Variants in NALCN observed in about 807,000 individuals in gnomAD.
NALCN encodes sodium leak channel, non-selective, also known as sodium leak channel NALCN.
NALCN carries 111 observed loss-of-function variants against 225.3 expected under a neutral mutation model. The observed-to-expected ratio is 0.49, with a 90% CI of 0.42 to 0.58. The LOEUF (loss-of-function observed/expected upper bound fraction) is 0.58, where lower values mean the gene tolerates loss of function less well. NALCN is among the 20% of genes least tolerant of loss of function. NALCN has a pLI of 0.00. For synonymous variants in NALCN, 764 were observed against 769.0 expected, an observed-to-expected ratio of 0.99 and a Z score of 0.11; for missense variants, 1,378 against 2,202.4, an observed-to-expected ratio of 0.63 and a Z score of 7.49.
intron 1 of NALCN, among the ~76,000 whole-genome samples, chr13:101,406,395 G>C (rs1361569710): frequency 6.6e-6 from 1 of 152,114 alleles, no homozygotes; most frequent in Non-Finnish European, 1.5e-5. Flanking sequence ...TTACAGATGA[G>C]GAAACTTAGG....
chr13:101,156,788 T>C (rs2037923236), intron 15 of NALCN, among the ~76,000 whole-genome samples: 1 of 152,166 alleles, frequency 6.6e-6, no homozygotes, highest in African/African-American at 2.4e-5. Context: ...ACACTTTAAA[T>C]TAGAGGCATG....
intron 37 of NALCN, among the ~76,000 whole-genome samples, chr13:101,072,939 A>T (rs1437445395): frequency 6.6e-6 from 1 of 152,202 alleles, no homozygotes; most frequent in Non-Finnish European, 1.5e-5. Flanking sequence ...TTAACACAGC[A>T]TTGGTCTGTC....
intron 3 of NALCN, among the ~76,000 whole-genome samples, chr13:101,386,959 C>A (rs887996067): frequency 5.3e-5 from 8 of 152,030 alleles, no homozygotes; most frequent in African/African-American, 1.2e-4. Context: ...CGGTGGCTCA[C>A]GCCTGTAATC....
intron 17 of NALCN, among the ~76,000 whole-genome samples, chr13:101,131,341 G>A (rs758036860): frequency 6.6e-6 from 1 of 152,020 alleles, no homozygotes; most frequent in African/African-American, 2.4e-5. Flanking sequence ...TTATAATAAC[G>A]TTTGCAGGGA....
At chr13:101,114,897 C>T (rs920243854) in intron 18 of NALCN, among the ~76,000 whole-genome samples, 1 of 152,140 alleles carries the variant, frequency 6.6e-6, no homozygotes, top group African/African-American at 2.4e-5. Flanking sequence ...GGAGGAACCT[C>T]GTTCTCTCCA....
At chr13:101,199,779 C>T (rs2040042669) in intron 13 of NALCN, among the ~76,000 whole-genome samples, 1 of 151,876 alleles carries the variant, frequency 6.6e-6, no homozygotes, top group Non-Finnish European at 1.5e-5. Flanking sequence ...CACATGTACC[C>T]TAGAACTTAG....
intron 13 of NALCN, among the ~76,000 whole-genome samples, chr13:101,195,679 T>G (rs2140018512): frequency 6.6e-6 from 1 of 152,316 alleles, no homozygotes; most frequent in Non-Finnish European, 1.5e-5. Context: ...AGACATAGAC[T>G]TCTGCTATGA....
chr13:101,265,268 G>C (rs1404770335), intron 10 of NALCN, among the ~76,000 whole-genome samples: 1 of 152,156 alleles, frequency 6.6e-6, no homozygotes, highest in Non-Finnish European at 1.5e-5. Context: ...CTACAAAATG[G>C]TACCTGACCA....
At position 101,215,856 on chromosome 13, in the gene NALCN, C is replaced by A. The variant is rs115669730; in HGVS notation, c.1626+13537G>T. 4.7e-3 allele frequency among the ~76,000 whole-genome samples: 720 copies of A among 152,242 alleles called. 8 individuals are homozygous for A. The highest frequency in any genetic ancestry group is 0.017 in the African/African-American group (701 of 41,538). The stretch of plus-strand genomic sequence containing the variant: ...TCTCCTAATGCAAGCCAACAGAAGA[C>A]CCTTTCTTGCTTTAAATCTAAGAAA... On this transcript the variant is annotated intron_variant, in intron 13 of 43. Coordinates refer to ENST00000251127, the MANE Select transcript of NALCN (RefSeq NM_052867.4).
rs1360011715 is a variant in NALCN, at chr13:101,059,906, C to A, written c.4817G>T (p.Ser1606Ile). ...GATGCTGGGCGGGTTCAGAAACCGG[C>A]TCAGCTCTTGCTGCTGACTCTCTCT... Reference protein sequence around the residue: ...SLRESQQQELSRFLNPPSIET... With the variant: ...SLRESQQQELIRFLNPPSIET... Residue 1606 changes from serine (S) to isoleucine (I), a missense_variant, in exon 42 of 44, where the codon AGC (serine) becomes ATC (isoleucine). By Grantham distance (142) the Ser-to-Ile change is moderately radical. Coordinates refer to ENST00000251127, the MANE Select transcript of NALCN (RefSeq NM_052867.4). 2 of 1,614,108 alleles carry A rather than the reference C, an allele frequency of 1.2e-6. No homozygotes were observed. Among genetic ancestry groups the A allele is most frequent in the Non-Finnish European group, 1.7e-6 (2 of 1,180,030 alleles).
chr13:101,382,215 A>C (rs2046869373), intron 3 of NALCN, among the ~76,000 whole-genome samples: 1 of 150,458 alleles, frequency 6.6e-6, no homozygotes, highest in Non-Finnish European at 1.5e-5. Context: ...TGGAACATTG[A>C]ATGAGAGTTC....
intron 17 of NALCN, 63 bp downstream of exon 17, chr13:101,143,017 C>A (rs1012088439): frequency 5.0e-6 from 8 of 1,587,520 alleles, no homozygotes; most frequent in Middle Eastern, 1.7e-4. Flanking sequence ...AAGAACTCTG[C>A]GGTTCTTTTC....
chr13:101,259,765 AAT>A (rs10622708), intron 10 of NALCN, among the ~76,000 whole-genome samples: 2 of 111,998 alleles, frequency 1.8e-5, no homozygotes, highest in African/African-American at 5.8e-5. Context: ...CACACACATA[AAT>A]ATATATATAT....
intron 15 of NALCN, among the ~76,000 whole-genome samples, chr13:101,153,897 G>A (rs947893826): frequency 6.6e-6 from 1 of 152,158 alleles, no homozygotes; most frequent in African/African-American, 2.4e-5. Flanking sequence ...CATGGCATAA[G>A]CGGGTCTTCC....
chr13:101,081,712 T>G (rs2033662383), intron 33 of NALCN, 66 bp from the exon 34 acceptor site: 1 of 1,558,392 alleles, frequency 6.4e-7, no homozygotes, highest in Admixed American at 1.9e-5. Flanking sequence ...ATGTATTAAC[T>G]TGAGATGCAT....
At chr13:101,085,213 T>A (rs1036995045) in intron 30 of NALCN, among the ~76,000 whole-genome samples, 7 of 152,166 alleles carry the variant, frequency 4.6e-5, no homozygotes, top group Non-Finnish European at 8.8e-5. Flanking sequence ...GTTGTACATA[T>A]TTTCTCTTAG....
At chr13:101,232,961 G>GA (rs889245999) in intron 12 of NALCN, among the ~76,000 whole-genome samples, 1 of 152,076 alleles carries the variant, frequency 6.6e-6, no homozygotes, top group African/African-American at 2.4e-5. Flanking sequence ...TAAACAGCTT[G>GA]AAAAAAATGG....
At chr13:101,069,518 G>GGT (rs2032689040) in intron 37 of NALCN, among the ~76,000 whole-genome samples, 1 of 152,226 alleles carries the variant, frequency 6.6e-6, no homozygotes, top group African/African-American at 2.4e-5. Flanking sequence ...GCTGCTGACT[G>GGT]AGCAGGGTGG....
chr13:101,399,261 T>C (rs2047399636), intron 1 of NALCN, 96 bp from the exon 2 acceptor site: 1 of 735,220 alleles, frequency 1.4e-6, no homozygotes, highest in South Asian at 1.8e-5. Flanking sequence ...GTAAGGCATA[T>C]ATGTGTTCTA....
Sources: gnomAD v4.1 joint callset for allele counts (sites outside exome capture counted in the v4.1 genomes callset) on GRCh38, gnomAD v4.1.1 for gene constraint, MANE v1.5 for transcripts, NCBI Gene and HGNC (gene_info 2026-07-23, HGNC 2026-07-21) for gene names.